The following NCOR1 variants were observed in gnomAD, a reference collection of about 807,000 sequenced individuals.
NCOR1 encodes protein phosphatase 1, regulatory subunit 109.
Under a neutral mutation model 288.1 loss-of-function variants are expected in NCOR1, and 63 were observed. The observed-to-expected ratio is 0.22, with a 90% CI of 0.18 to 0.27. The LOEUF (loss-of-function observed/expected upper bound fraction) is 0.27. NCOR1 is among the 10% of genes least tolerant of loss of function. The pLI is 1.00. For missense variants in NCOR1, 2,397 were observed against 3,019.2 expected, an observed-to-expected ratio of 0.79 and a Z score of 4.83; for synonymous variants, 1,007 against 1,065.9, an observed-to-expected ratio of 0.94 and a Z score of 1.08.
rs777455911 is a variant in NCOR1 at position 16,086,340 on chromosome 17, G to A, written c.3119C>T (p.Ser1040Phe). The A allele has an allele frequency of 1.6e-5, 26 of 1,614,030 alleles. No homozygotes were observed. In the East Asian group the frequency reaches 4.2e-4, roughly 26 times the overall value. The change falls in exon 23 of 46, where the codon TCC (serine) becomes TTC (phenylalanine). Residue 1040 changes from serine to phenylalanine, a missense_variant. Transcript: ENST00000268712. ...TRPPPPLIPSSKTTVASEKPS... is the reference protein window; with the variant it reads ...TRPPPPLIPSFKTTVASEKPS... Reference sequence around the variant, plus strand: ...TTTTTCTGAAGCCACTGTGGTTTTGGATGACGGGATGAGAGGGGGCGGTGG... The same window carrying A: ...TTTTTCTGAAGCCACTGTGGTTTTGAATGACGGGATGAGAGGGGGCGGTGG...
At chr17:16,178,373 C>A (rs1358618271) in intron 3 of NCOR1, among the ~76,000 whole-genome samples, 1 of 151,148 alleles carries the variant, frequency 6.6e-6, no homozygotes, top group African/African-American at 2.4e-5. Context: ...GTGGCATGAG[C>A]CTGTAGTCCC....
intron 5 of NCOR1, among the ~76,000 whole-genome samples, chr17:16,164,183 G>T (rs1488653953): frequency 6.6e-6 from 1 of 151,528 alleles, no homozygotes; most frequent in African/African-American, 2.4e-5. Flanking sequence ...AGAGGTTGCA[G>T]TGAGCCAAGA....
intron 20 of NCOR1, 82 bp from the exon 21 acceptor site, chr17:16,098,578 A>AGTATGTGCATGT: frequency 8.0e-7 from 1 of 1,245,824 alleles, no homozygotes; most frequent in Non-Finnish European, 1.1e-6. Flanking sequence ...CTTCTAAGTT[A>AGTATGTGCATGT]GTATGTACAT....
At chr17:16,041,388 A>C (rs1002176802) in intron 42 of NCOR1, 3 of 148,048 alleles carry the variant, frequency 2.0e-5, no homozygotes, top group Non-Finnish European at 4.5e-5. Context: ...GATGTGTCCC[A>C]AAGAATGTGA....
intron 14 of NCOR1, among the ~76,000 whole-genome samples, chr17:16,136,080 G>C (rs572143167): frequency 2.0e-5 from 3 of 152,220 alleles, no homozygotes; most frequent in African/African-American, 7.2e-5. Flanking sequence ...TATGGCAGCT[G>C]CTGATCAGTT....
intron 18 of NCOR1, among the ~76,000 whole-genome samples, chr17:16,115,405 G>A (rs1012511298): frequency 6.6e-6 from 1 of 152,206 alleles, no homozygotes; most frequent in Non-Finnish European, 1.5e-5. Context: ...CAGCAGGCTT[G>A]AATTCCTCTT....
At chr17:16,038,919 C>T (rs146476336) in intron 44 of NCOR1, among the ~76,000 whole-genome samples, 2 of 152,074 alleles carry the variant, frequency 1.3e-5, no homozygotes, top group African/African-American at 4.8e-5. Flanking sequence ...TACAGGCACA[C>T]GCCATCATGC....
chr17:16,195,158 A>G (rs1944184950), intron 1 of NCOR1, among the ~76,000 whole-genome samples: 1 of 152,176 alleles, frequency 6.6e-6, no homozygotes, highest in Non-Finnish European at 1.5e-5. Context: ...GCATGCTTCT[A>G]TGGACCTGAA....
At chr17:16,104,804 G>T (rs999652895) in intron 19 of NCOR1, among the ~76,000 whole-genome samples, 1 of 152,148 alleles carries the variant, frequency 6.6e-6, no homozygotes, top group African/African-American at 2.4e-5. Context: ...ATATCAGGTG[G>T]TGATCAGTGC....
intron 20 of NCOR1, chr17:16,098,757 T>C (rs2067093353): frequency 4.4e-6 from 1 of 225,422 alleles, no homozygotes; most frequent in East Asian, 9.3e-5. Flanking sequence ...AAGATTACCA[T>C]GGCCCCTGTG....
intron 1 of NCOR1, among the ~76,000 whole-genome samples, chr17:16,199,485 A>C (rs574208161): frequency 6.6e-6 from 1 of 152,334 alleles, no homozygotes; most frequent in East Asian, 1.9e-4. Flanking sequence ...CGATCTAGTA[A>C]GAATGGGAGA....
chr17:16,206,223 G>A (rs2091483178), intron 1 of NCOR1, among the ~76,000 whole-genome samples: 1 of 151,284 alleles, frequency 6.6e-6, no homozygotes, highest in Non-Finnish European at 1.5e-5. Flanking sequence ...TCCACTTCTA[G>A]GAATCTATCC....
At chr17:16,175,728 T>C (rs1234723450) in intron 3 of NCOR1, among the ~76,000 whole-genome samples, 1 of 149,578 alleles carries the variant, frequency 6.7e-6, no homozygotes, top group Non-Finnish European at 1.5e-5. Context: ...TCTACAAAAA[T>C]AAAAAATTTG....
At chr17:16,191,708 A>T (rs982089163) in intron 2 of NCOR1, 1 of 152,236 alleles carries the variant, frequency 6.6e-6, no homozygotes, top group African/African-American at 2.4e-5. Context: ...AGGAGACAGG[A>T]AAAAATATTT....
Position 16,165,265 on chromosome 17 carries a change from CTATT to C in NCOR1, c.436-108_436-105del. On this transcript the variant is annotated intron_variant, in intron 4 of 45. Transcript: ENST00000268712. ...TTAAACCACAGCAGAGCCATGTGTA[CTATT>C]TGTCTAATGAAACTTTTAGTAGTAA... 5 of 842,124 alleles carry C rather than the reference CTATT, an allele frequency of 5.9e-6. No individual in the cohort carries two copies. In the South Asian group the frequency reaches 6.5e-5, roughly 11 times the overall value. The allele number at this position is 842,124 out of a possible 1,614,324, so 52.2% of individuals were successfully genotyped here.
chr17:16,165,268 T>C, intron 4 of NCOR1, 107 bp from the exon 5 acceptor site: 1 of 833,262 alleles, frequency 1.2e-6, no homozygotes, highest in South Asian at 2.2e-5. Context: ...ATGTGTACTA[T>C]TTGTCTAATG....
rs148441360 is a variant in NCOR1, at chr17:16,197,941, GTTA to G, written c.-70-3305_-70-3303del. ...GTTACACTCCCAGAAGGCAACCAAA[GTTA>G]CTAGTTTCTAGAGTGTCCTTTAGAA... is the stretch of plus-strand genomic sequence containing the variant. On this transcript the variant is annotated intron_variant, in intron 1 of 45. Coordinates refer to ENST00000268712, the MANE Select transcript of NCOR1 (RefSeq NM_006311.4). Among the ~76,000 whole-genome samples, 605 of 152,202 alleles carry G rather than the reference GTTA, an allele frequency of 4.0e-3. 8 individuals carry two copies. The highest frequency in any genetic ancestry group is 0.014 in the African/African-American group (563 of 41,526).
intron 14 of NCOR1, among the ~76,000 whole-genome samples, chr17:16,131,105 A>C (rs552410154): frequency 6.6e-6 from 1 of 151,986 alleles, no homozygotes; most frequent in African/African-American, 2.4e-5. Context: ...CTCCCACCTC[A>C]GCCTCCTGAA....
intron 19 of NCOR1, among the ~76,000 whole-genome samples, chr17:16,105,517 A>G (rs2068441180): frequency 6.6e-6 from 1 of 152,216 alleles, no homozygotes; most frequent in East Asian, 1.9e-4. Flanking sequence ...CAATGGAGAC[A>G]AGGATCCAAT....
Sources: gnomAD v4.1 joint callset for allele counts (sites outside exome capture counted in the v4.1 genomes callset) on GRCh38, gnomAD v4.1.1 for gene constraint, MANE v1.5 for transcripts, NCBI Gene and HGNC (gene_info 2026-07-23, HGNC 2026-07-21) for gene names.